The following SEC31A variants were observed in gnomAD, a reference collection of about 807,000 sequenced individuals.
SEC31A encodes SEC31 homolog A, COPII component.
Under a neutral mutation model 151.0 loss-of-function variants are expected in SEC31A, and 70 were observed. The ratio of observed to expected loss-of-function variants is 0.46; its 90% CI spans 0.38 to 0.57. The LOEUF (loss-of-function observed/expected upper bound fraction) is 0.57, where lower values mean the gene tolerates loss of function less well. Ranked by LOEUF, SEC31A falls within the 20% of genes least tolerant of loss-of-function variation. SEC31A has a pLI of 0.00. For synonymous variants in SEC31A, 475 were observed against 505.9 expected (o/e 0.94, Z 0.82); for missense variants, 1,330 against 1,471.2 (o/e 0.90, Z 1.57).
chr4:82,856,905 T>C, intron 16 of SEC31A, 47 bp downstream of exon 16: 2 of 1,488,290 alleles, frequency 1.3e-6, no homozygotes, highest in Non-Finnish European at 1.8e-6. Flanking sequence ...ATTGTTTTTA[T>C]AATTAGAAAG....
At chr4:82,823,453 T>C (rs1723848133) in intron 25 of SEC31A, among the ~76,000 whole-genome samples, 1 of 152,242 alleles carries the variant, frequency 6.6e-6, no homozygotes, top group African/African-American at 2.4e-5. Context: ...TTCCTGATAC[T>C]TTCAGTACAG....
chr4:82,820,774 C>A (rs1723144243), intron 26 of SEC31A, among the ~76,000 whole-genome samples: 1 of 152,238 alleles, frequency 6.6e-6, no homozygotes, highest in South Asian at 2.1e-4. Flanking sequence ...TTATGGCCAA[C>A]ACAGGCCAGT....
Position 82,866,912 on chromosome 4 carries a change from G to T in SEC31A, c.1093C>A (p.Leu365Ile). The T allele has an allele frequency of 3.7e-6, 6 of 1,614,132 alleles. No homozygotes were observed. Among genetic ancestry groups the T allele is most frequent in the Non-Finnish European group, 5.1e-6 (6 of 1,179,998 alleles). Residue 365 changes from leucine to isoleucine, a missense_variant, in exon 10 of 27, where the codon CTT becomes ATT. By Grantham distance (5) the Leu-to-Ile change is conservative (BLOSUM62 2). Coordinates refer to ENST00000395310, the MANE Select transcript of SEC31A (RefSeq NM_001077207.4). Reference protein sequence around the residue: ...NLDPFGTGQPLPPLQIPQQTA... With the variant: ...NLDPFGTGQPIPPLQIPQQTA... Reference sequence around the variant, plus strand: ...TGCTGTGGAATTTGTAACGGAGGAAGGGGCTGTCCTGTGCCAAAGGGATCA... The same window carrying T: ...TGCTGTGGAATTTGTAACGGAGGAATGGGCTGTCCTGTGCCAAAGGGATCA...
rs1177774222 is a variant in SEC31A at position 82,888,350 on chromosome 4, CA to C, written c.-5+2737del. On this transcript the variant is annotated intron_variant, in intron 1 of 26. Coordinates refer to ENST00000395310, the MANE Select transcript of SEC31A (RefSeq NM_001077207.4). ...TGGGAGACAGAGCGAGACTCCGTCT[CA>C]AAAAAAAAAAAAAAAAAAAAAACAC... Among the ~76,000 whole-genome samples the C allele has an allele frequency of 4.4e-3, 114 of 26,138 alleles. 1 individual carries two copies. The highest frequency in any genetic ancestry group is 0.017 in the African/African-American group (111 of 6,486). 17.1% of individuals were successfully genotyped at this position (26,138 alleles called of 152,430 possible).
intron 24 of SEC31A, among the ~76,000 whole-genome samples, chr4:82,826,095 C>T (rs185641471): frequency 3.9e-5 from 6 of 152,272 alleles, no homozygotes; most frequent in Admixed American, 3.9e-4. Flanking sequence ...CCTGGCTGAA[C>T]ACTATGTATC....
chr4:82,892,827 C>CT (rs1310246450), upstream of SEC31A, among the ~76,000 whole-genome samples: 1 of 152,062 alleles, frequency 6.6e-6, no homozygotes, highest in Non-Finnish European at 1.5e-5. Flanking sequence ...AATTATTAAC[C>CT]ACATTGTTGG....
chr4:82,898,177 G>A (rs577291949), intron 3 of SEC31A: 15 of 152,082 alleles, frequency 9.9e-5, no homozygotes, highest in East Asian at 5.8e-4. Flanking sequence ...TAATCACAAC[G>A]GTTCATTATG....
In SEC31A at chr4:82,845,890, T is replaced by C. The variant is rs370831890; in HGVS notation, c.2503-1381A>G. ...CTGACAAAACCAAGGCCCAGAGAAGTGAAGGGACCGTACAACTCAATGGTG... is the reference window on the plus strand; with the variant it reads ...CTGACAAAACCAAGGCCCAGAGAAGCGAAGGGACCGTACAACTCAATGGTG... On this transcript the variant is annotated intron_variant, in intron 20 of 26. Coordinates refer to ENST00000395310, the MANE Select transcript of SEC31A (RefSeq NM_001077207.4). 7.9e-5 allele frequency among the ~76,000 whole-genome samples: 12 copies of C among 151,944 alleles called. No individual in the cohort carries two copies. In the East Asian group the frequency reaches 1.7e-3, roughly 22 times the overall value.
chr4:82,853,674 G>A lies in SEC31A; in HGVS notation c.2050C>T (p.Leu684=). 1 of 1,600,526 alleles carries A rather than the reference G, an allele frequency of 6.2e-7. No homozygotes were observed. Among genetic ancestry groups the A allele is most frequent in the East Asian group, 2.3e-5 (1 of 44,378 alleles). The change falls in exon 18 of 27, where the codon CTG becomes TTG. Residue 684 remains leucine, a synonymous_variant. Coordinates refer to ENST00000395310, the MANE Select transcript of SEC31A (RefSeq NM_001077207.4). The stretch of plus-strand genomic sequence containing the variant: ...TAGCAGAGACATGCTTGAGTCTGCA[G>A]GAGGCTATCTCCTTCATTTTCAAGC... The part of the protein sequence containing the change: ...TRLENEGDSL[L]QTQACLCYIC...
Position 82,867,226 on chromosome 4 carries a change from C to G in SEC31A, c.973G>C (p.Asp325His). 1 of 1,614,070 alleles carries G rather than the reference C, an allele frequency of 6.2e-7. No individual in the cohort carries two copies. Among genetic ancestry groups the G allele is most frequent in the South Asian group, 1.1e-5 (1 of 91,076 alleles). The change falls in exon 9 of 27, where the codon GAT becomes CAT. Residue 325 changes from aspartate to histidine, a missense_variant. Physicochemically the swap from Asp to His is moderately conservative, Grantham distance 81. Coordinates refer to ENST00000395310, the MANE Select transcript of SEC31A (RefSeq NM_001077207.4). ...ATAGAATAAACACTGATACGCCCAT[C>G]AAACGAAGCAGCTGATAAGACAGCA... ...NPAVLSAASFDGRISVYSIMG... is the reference protein window; with the variant it reads ...NPAVLSAASFHGRISVYSIMG...
At chr4:82,871,249 T>C (rs1263683267) in intron 7 of SEC31A, 17 of 1,297,242 alleles carry the variant, frequency 1.3e-5, no homozygotes, top group Admixed American at 6.5e-5. Flanking sequence ...CGAAAAAAGT[T>C]ATCTAACTAT....
upstream of SEC31A, among the ~76,000 whole-genome samples, chr4:82,891,568 GA>G (rs1478209812): frequency 9.2e-5 from 14 of 152,366 alleles, no homozygotes; most frequent in South Asian, 2.9e-3. Flanking sequence ...AAACCAGGTG[GA>G]AAATCGGGCT....
chr4:82,844,698 G>T (rs1416023862), intron 20 of SEC31A, among the ~76,000 whole-genome samples, 189 bp from the exon 21 acceptor site: 1 of 152,214 alleles, frequency 6.6e-6, no homozygotes, highest in Non-Finnish European at 1.5e-5. Flanking sequence ...CATTTTGAAT[G>T]ATTAAAGATC....
intron 19 of SEC31A, among the ~76,000 whole-genome samples, chr4:82,850,232 G>C (rs1246539172): frequency 1.3e-5 from 2 of 151,864 alleles, no homozygotes; most frequent in African/African-American, 4.8e-5. Flanking sequence ...TTAAGATAAA[G>C]GTTCTTATAA....
In SEC31A at chr4:82,871,978, A is replaced by T; in HGVS notation, c.748T>A (p.Ser250Thr). ...TTTTCCAGGACACGAAGTGGAGAGG[A>T]AGCAAATCGAAGATCCCACATCTGG... ...VIQMWDLRFA[S>T]SPLRVLENHA... The change falls in exon 7 of 27, where the codon TCC becomes ACC. Residue 250 changes from serine (S) to threonine (T), a missense_variant. Physicochemically the swap from Ser to Thr is moderately conservative, Grantham distance 58. Transcript: ENST00000395310. The T allele has an allele frequency of 6.2e-7, 1 of 1,614,122 alleles. No individual in the cohort carries two copies.
intron 1 of SEC31A, among the ~76,000 whole-genome samples, chr4:82,889,455 G>A (rs1240597613): frequency 6.7e-6 from 1 of 150,334 alleles, no homozygotes; most frequent in East Asian, 1.9e-4. Flanking sequence ...GCTGAGGCGG[G>A]AGGATCTCTT....
intron 17 of SEC31A, among the ~76,000 whole-genome samples, 197 bp from the exon 18 acceptor site, chr4:82,853,912 A>C (rs547988183): frequency 6.6e-6 from 1 of 152,304 alleles, no homozygotes; most frequent in South Asian, 2.1e-4. Context: ...GTATACAATA[A>C]ATGATTTTAC....
intron 20 of SEC31A, 25 bp downstream of exon 20, chr4:82,848,779 A>T (rs1468008795): frequency 6.3e-7 from 1 of 1,576,200 alleles, no homozygotes; most frequent in East Asian, 2.3e-5. Flanking sequence ...AAGTGTTCCT[A>T]CTTCATCTGG....
At chr4:82,882,508 G>A (rs1739623791) in intron 1 of SEC31A, among the ~76,000 whole-genome samples, 1 of 149,804 alleles carries the variant, frequency 6.7e-6, no homozygotes, top group African/African-American at 2.5e-5. Flanking sequence ...AGTTGAATCA[G>A]TCTAGAAAAA....
Sources: gnomAD v4.1 joint callset for allele counts (sites outside exome capture counted in the v4.1 genomes callset) on GRCh38, gnomAD v4.1.1 for gene constraint, MANE v1.5 for transcripts, NCBI Gene and HGNC (gene_info 2026-07-23, HGNC 2026-07-21) for gene names.